The following CSMD1 variants were observed in gnomAD, a reference collection of about 807,000 sequenced individuals.
CSMD1 encodes CUB and sushi domain-containing protein 1.
Under a neutral mutation model 417.5 loss-of-function variants are expected in CSMD1, and 213 were observed. That is an observed-to-expected ratio of 0.51 (90% confidence interval 0.46 to 0.57). The LOEUF (loss-of-function observed/expected upper bound fraction) is 0.57. CSMD1 is among the 20% of genes least tolerant of loss of function. CSMD1 has a pLI of 0.00. For missense variants in CSMD1, 6,923 were observed against 4,529.7 expected (o/e 1.53, Z -15.17); for synonymous variants, 2,862 against 1,736.8 (o/e 1.65, Z -16.11).
chr8:3,485,755 G>A (rs1253916820), intron 11 of CSMD1, among the ~76,000 whole-genome samples: 4 of 127,480 alleles, frequency 3.1e-5, no homozygotes, highest in Non-Finnish European at 6.8e-5. Context: ...GCGAGACTCA[G>A]CCTCAAAAAA....
chr8:3,323,682 G>C (rs1043473545), intron 23 of CSMD1, among the ~76,000 whole-genome samples: 1 of 152,204 alleles, frequency 6.6e-6, no homozygotes, highest in African/African-American at 2.4e-5. Flanking sequence ...GACAGATGAA[G>C]CAGCAGGTAA....
At chr8:4,065,656 C>G (rs1187891141) in intron 3 of CSMD1, among the ~76,000 whole-genome samples, 3 of 152,162 alleles carry the variant, frequency 2.0e-5, no homozygotes, top group South Asian at 2.1e-4. Context: ...TGCCTTTTAG[C>G]CATGACACTA....
At chr8:4,941,759 C>T (rs1026748530) in intron 1 of CSMD1, among the ~76,000 whole-genome samples, 2 of 152,040 alleles carry the variant, frequency 1.3e-5, no homozygotes, top group African/African-American at 2.4e-5. Context: ...CCATTATGCC[C>T]GACTGATTTT....
chr8:4,048,689 G>A (rs750669915), intron 3 of CSMD1, among the ~76,000 whole-genome samples: 2 of 152,120 alleles, frequency 1.3e-5, no homozygotes, highest in Non-Finnish European at 2.9e-5. Flanking sequence ...GGATCAATGT[G>A]CTTCCTGACA....
At chr8:4,314,210 G>C (rs1162529716) in intron 3 of CSMD1, among the ~76,000 whole-genome samples, 3 of 151,888 alleles carry the variant, frequency 2.0e-5, no homozygotes, top group African/African-American at 7.3e-5. Flanking sequence ...CAAGACTGCA[G>C]TCACGTTAAT....
At chr8:3,704,284 C>A (rs746290480) in intron 7 of CSMD1, among the ~76,000 whole-genome samples, 1 of 152,070 alleles carries the variant, frequency 6.6e-6, no homozygotes, top group African/African-American at 2.4e-5. Flanking sequence ...GGATTCAGCA[C>A]AGAAGCCTTC....
intron 49 of CSMD1, among the ~76,000 whole-genome samples, chr8:3,055,314 C>T (rs1812140920): frequency 6.6e-6 from 1 of 152,132 alleles, no homozygotes; most frequent in Non-Finnish European, 1.5e-5. Context: ...GTTGCCTGAT[C>T]AACAACCGGG....
chr8:4,381,632 C>G (rs1803109756), intron 3 of CSMD1, among the ~76,000 whole-genome samples: 1 of 152,254 alleles, frequency 6.6e-6, no homozygotes, highest in Non-Finnish European at 1.5e-5. Context: ...ATCCCTCCAC[C>G]CCTTGTAGGC....
intron 5 of CSMD1, among the ~76,000 whole-genome samples, chr8:3,840,229 A>T (rs1803036151): frequency 6.6e-6 from 1 of 152,150 alleles, no homozygotes; most frequent in African/African-American, 2.4e-5. Flanking sequence ...ACCTTTGAAA[A>T]AAAAAGAGAC....
intron 38 of CSMD1, among the ~76,000 whole-genome samples, chr8:3,159,056 G>A (rs1338694103): frequency 6.6e-6 from 1 of 152,078 alleles, no homozygotes; most frequent in Non-Finnish European, 1.5e-5. Flanking sequence ...TAATTTTAAA[G>A]AAGATACTCC....
intron 25 of CSMD1, among the ~76,000 whole-genome samples, chr8:3,301,137 T>C (rs1030564435): frequency 6.6e-6 from 1 of 152,154 alleles, no homozygotes; most frequent in Non-Finnish European, 1.5e-5. Context: ...TGTTTTTTTT[T>C]AATTTTTTCA....
chr8:3,313,356 T>C (rs1466850104), intron 23 of CSMD1, among the ~76,000 whole-genome samples: 3 of 152,176 alleles, frequency 2.0e-5, no homozygotes, highest in African/African-American at 7.2e-5. Flanking sequence ...GAGAAAATTT[T>C]TGCAATCTAC....
intron 57 of CSMD1, among the ~76,000 whole-genome samples, chr8:2,971,095 A>G (rs1323569997): frequency 6.6e-6 from 1 of 152,230 alleles, no homozygotes; most frequent in African/African-American, 2.4e-5. Context: ...GAACAAAGGC[A>G]TTCTCTTACA....
chr8:3,525,473 T>C (rs1314847961), intron 10 of CSMD1, among the ~76,000 whole-genome samples: 20 of 152,168 alleles, frequency 1.3e-4, no homozygotes, highest in Admixed American at 1.3e-3. Context: ...CAGCAGGACA[T>C]GAAGAGCTAT....
At chr8:4,731,154 C>G (rs777674944) in intron 1 of CSMD1, among the ~76,000 whole-genome samples, 2 of 152,164 alleles carry the variant, frequency 1.3e-5, no homozygotes, top group African/African-American at 2.4e-5. Context: ...TAGCATTTAA[C>G]TTTCCGAGCT....
intron 3 of CSMD1, among the ~76,000 whole-genome samples, chr8:4,248,379 G>A (rs10429346): frequency 0.024 from 3,615 of 152,148 alleles, 139 homozygotes; most frequent in African/African-American, 0.082. Flanking sequence ...GGTGAGTGCT[G>A]GTTTGCTGGT....
chr8:4,136,819 T>G (rs575044902), intron 3 of CSMD1, among the ~76,000 whole-genome samples: 1 of 152,236 alleles, frequency 6.6e-6, no homozygotes, highest in Non-Finnish European at 1.5e-5. Context: ...GAAGGGATCC[T>G]GACATCCAAA....
At chr8:4,057,458 G>A (rs546097474) in intron 3 of CSMD1, among the ~76,000 whole-genome samples, 1 of 152,128 alleles carries the variant, frequency 6.6e-6, no homozygotes, top group African/African-American at 2.4e-5. Flanking sequence ...AGTAGGTTGT[G>A]AAAATTTTCA....
chr8:4,771,387 G>A (rs1796589872), intron 1 of CSMD1, among the ~76,000 whole-genome samples: 1 of 152,228 alleles, frequency 6.6e-6, no homozygotes, highest in African/African-American at 2.4e-5. Context: ...AAATTGCATT[G>A]CTACTGCAGA....
Sources: gnomAD v4.1 joint callset for allele counts (sites outside exome capture counted in the v4.1 genomes callset) on GRCh38, gnomAD v4.1.1 for gene constraint, MANE v1.5 for transcripts, NCBI Gene and HGNC (gene_info 2026-07-23, HGNC 2026-07-21) for gene names.